The following TMEM232 variants were observed in gnomAD, a reference collection of about 807,000 sequenced individuals.
The protein encoded by TMEM232 is transmembrane protein 232.
Under a neutral mutation model 78.8 loss-of-function variants are expected in TMEM232, and 80 were observed. The observed-to-expected ratio is 1.01, with a 90% CI of 0.85 to 1.22. The LOEUF (loss-of-function observed/expected upper bound fraction) is 1.22. TMEM232 is among the 50% of genes most tolerant of loss of function. The pLI is 0.00. For missense variants in TMEM232, 881 were observed against 742.2 expected (o/e 1.19, Z -2.17); for synonymous variants, 297 against 254.3 (o/e 1.17, Z -1.60).
At chr5:110,706,375 C>A (rs1401480836) in intron 1 of TMEM232, among the ~76,000 whole-genome samples, 2 of 152,142 alleles carry the variant, frequency 1.3e-5, no homozygotes, top group Non-Finnish European at 2.9e-5. Context: ...GTCTTTACCA[C>A]AGTGGACCTC....
chr5:110,490,635 A>C (rs1409651737), intron 12 of TMEM232, among the ~76,000 whole-genome samples: 1 of 152,160 alleles, frequency 6.6e-6, no homozygotes, highest in East Asian at 1.9e-4. Context: ...ATAAGCATAG[A>C]GGCAGATCAA....
At chr5:110,448,295 A>T (rs1759886387) in intron 12 of TMEM232, among the ~76,000 whole-genome samples, 1 of 152,056 alleles carries the variant, frequency 6.6e-6, no homozygotes, top group Admixed American at 6.6e-5. Flanking sequence ...TTAAACTAAG[A>T]GATTAAGAAT....
chr5:110,639,436 T>A (rs1336696394), intron 4 of TMEM232, among the ~76,000 whole-genome samples: 1 of 152,174 alleles, frequency 6.6e-6, no homozygotes, highest in Non-Finnish European at 1.5e-5. Flanking sequence ...AGATTAGAAT[T>A]GGAAAGGTTC....
intron 5 of TMEM232, 92 bp downstream of exon 5, chr5:110,638,105 TA>T (rs1786134984): frequency 1.0e-6 from 1 of 982,480 alleles, no homozygotes; most frequent in Non-Finnish European, 1.4e-6. Context: ...ATAATAAAAC[TA>T]AATGTTCTGT....
At chr5:110,553,187 T>A (rs555349526) in intron 11 of TMEM232, among the ~76,000 whole-genome samples, 124 of 152,302 alleles carry the variant, frequency 8.1e-4, no homozygotes, top group Non-Finnish European at 1.5e-3. Context: ...CTGGCTTTGT[T>A]TTCTTTAGGA....
intron 2 of TMEM232, among the ~76,000 whole-genome samples, chr5:110,643,114 G>A (rs181180621): frequency 2.0e-5 from 3 of 152,172 alleles, no homozygotes; most frequent in Admixed American, 1.3e-4. Context: ...ATTTGCCAAT[G>A]AATTAGAAAT....
chr5:110,408,795 G>C (rs1313230416), intron 2 of TMEM232, among the ~76,000 whole-genome samples: 1 of 151,914 alleles, frequency 6.6e-6, no homozygotes, highest in Non-Finnish European at 1.5e-5. Flanking sequence ...ATGAACAACA[G>C]TATTTCACTT....
At chr5:110,390,012 G>A (rs1755122911) in intron 4 of TMEM232, among the ~76,000 whole-genome samples, 1 of 152,138 alleles carries the variant, frequency 6.6e-6, no homozygotes, top group African/African-American at 2.4e-5. Flanking sequence ...GGATCATCCT[G>A]TGAGAGAGAA....
rs572288517 is a variant in TMEM232 at position 110,591,800 on chromosome 5, T to C, written c.1276+13309A>G. Among the ~76,000 whole-genome samples the C allele has an allele frequency of 1.3e-4, 20 of 152,298 alleles. No individual in the cohort carries two copies. The East Asian group carries it at 2.5e-3, about 19-fold the overall frequency. On this transcript the variant is annotated intron_variant, in intron 10 of 13. Coordinates refer to ENST00000455884, the MANE Select transcript of TMEM232 (RefSeq NM_001039763.4). ...TTTTCACTCTCAACAAAAGACTTACTAATGTTAAAGGTATTATTATGAGAA... is the reference window on the plus strand; with the variant it reads ...TTTTCACTCTCAACAAAAGACTTACCAATGTTAAAGGTATTATTATGAGAA...
intron 1 of TMEM232, among the ~76,000 whole-genome samples, chr5:110,694,777 T>C (rs1188059577): frequency 6.6e-6 from 1 of 152,072 alleles, no homozygotes; most frequent in South Asian, 2.1e-4. Flanking sequence ...ATGCACCCAA[T>C]ACAGGAGCAC....
intron 1 of TMEM232, among the ~76,000 whole-genome samples, chr5:110,696,834 G>T (rs1417246077): frequency 3.9e-5 from 6 of 152,032 alleles, no homozygotes; most frequent in Non-Finnish European, 7.4e-5. Flanking sequence ...CATGCTCATG[G>T]GTAGGAAGAA....
chr5:110,587,985 T>C (rs1229271674), intron 10 of TMEM232, among the ~76,000 whole-genome samples: 4 of 151,746 alleles, frequency 2.6e-5, no homozygotes, highest in South Asian at 2.1e-4. Flanking sequence ...ATATTTTCCA[T>C]GTATAAAAAC....
chr5:110,708,224 G>C (rs554221514), intron 1 of TMEM232, among the ~76,000 whole-genome samples: 73 of 152,212 alleles, frequency 4.8e-4, no homozygotes, highest in Middle Eastern at 6.8e-3. Context: ...TTGGAATCCT[G>C]AATAGTATAT....
intron 12 of TMEM232, among the ~76,000 whole-genome samples, chr5:110,478,376 C>T (rs1763483893): frequency 6.6e-6 from 1 of 151,900 alleles, no homozygotes; most frequent in Non-Finnish European, 1.5e-5. Context: ...CAGCAGTTTT[C>T]CACACTCTAA....
At chr5:110,623,610 C>T (rs1162639117) in intron 7 of TMEM232, among the ~76,000 whole-genome samples, 1 of 152,058 alleles carries the variant, frequency 6.6e-6, no homozygotes, top group Admixed American at 6.6e-5. Context: ...GAAAAGCTAG[C>T]TGTACTGGAG....
At chr5:110,543,216 C>A (rs1773376732) in intron 11 of TMEM232, among the ~76,000 whole-genome samples, 1 of 151,930 alleles carries the variant, frequency 6.6e-6, no homozygotes, top group South Asian at 2.1e-4. Context: ...CACTTACTTC[C>A]CTCTAAGACA....
chr5:110,505,516 T>A (rs761731747), intron 12 of TMEM232, among the ~76,000 whole-genome samples: 2 of 152,202 alleles, frequency 1.3e-5, no homozygotes, highest in African/African-American at 2.4e-5. Flanking sequence ...CTTTTCCTTT[T>A]TTCTTTTTGA....
chr5:110,672,775 T>A (rs1791527832), intron 1 of TMEM232, among the ~76,000 whole-genome samples: 2 of 152,128 alleles, frequency 1.3e-5, no homozygotes, highest in Admixed American at 1.3e-4. Flanking sequence ...AAATTCCCAG[T>A]AGATCCCAAA....
chr5:110,503,940 T>C (rs553039214), intron 12 of TMEM232, among the ~76,000 whole-genome samples: 3 of 152,314 alleles, frequency 2.0e-5, no homozygotes, highest in East Asian at 1.9e-4. Flanking sequence ...CATGGAATAA[T>C]TGGTTATTTG....
Sources: gnomAD v4.1 joint callset for allele counts (sites outside exome capture counted in the v4.1 genomes callset) on GRCh38, gnomAD v4.1.1 for gene constraint, MANE v1.5 for transcripts, NCBI Gene and HGNC (gene_info 2026-07-23, HGNC 2026-07-21) for gene names.